MAP3K7CL: variants seen among roughly 807,000 people sequenced by gnomAD.
MAP3K7CL encodes the protein MAP3K7 C-terminal-like protein.
A neutral mutation model predicts 18.6 loss-of-function variants in MAP3K7CL; 16 were observed. The observed-to-expected ratio is 0.86, with a 90% CI of 0.58 to 1.31. The LOEUF (loss-of-function observed/expected upper bound fraction) is 1.31, where lower values mean the gene tolerates loss of function less well. Ranked by LOEUF, MAP3K7CL falls within the 50% of genes most tolerant of loss-of-function variation. The pLI is 0.00. For synonymous variants in MAP3K7CL, 65 were observed against 66.8 expected (o/e 0.97, Z 0.13); for missense variants, 163 against 174.4 (o/e 0.93, Z 0.37).
chr21:29,147,551 G>A (rs1451940717), intron 2 of MAP3K7CL, among the ~76,000 whole-genome samples: 2 of 151,610 alleles, frequency 1.3e-5, no homozygotes, highest in African/African-American at 2.4e-5. Context: ...TATGTGTACT[G>A]TATCTGTATT....
chr21:29,123,722 G>A (rs539520264), intron 4 of MAP3K7CL, among the ~76,000 whole-genome samples: 2 of 152,198 alleles, frequency 1.3e-5, no homozygotes, highest in Admixed American at 6.5e-5. Flanking sequence ...CTGATGATGG[G>A]TAATGTTGGG....
At chr21:29,128,523 C>T (rs141565627), upstream of MAP3K7CL, among the ~76,000 whole-genome samples, 1,049 of 151,924 alleles carry the variant, frequency 6.9e-3, 8 homozygotes, top group African/African-American at 0.024. Flanking sequence ...AGGATGGTCT[C>T]GATCTCCTGA....
At chr21:29,160,455 C>T (rs558592086) in intron 4 of MAP3K7CL, among the ~76,000 whole-genome samples, 5 of 152,234 alleles carry the variant, frequency 3.3e-5, no homozygotes, top group South Asian at 2.1e-4. Context: ...ATAATGTAAA[C>T]GTTTTAGTTG....
intron 4 of MAP3K7CL, among the ~76,000 whole-genome samples, chr21:29,103,201 C>T (rs776577266): frequency 5.5e-4 from 83 of 152,186 alleles, no homozygotes; most frequent in Non-Finnish European, 9.3e-4. Flanking sequence ...GTGTCTATGG[C>T]TACTTTCCCA....
chr21:29,149,389 C>A, intron 3 of MAP3K7CL, 139 bp downstream of exon 3: 2 of 734,732 alleles, frequency 2.7e-6, no homozygotes, highest in South Asian at 3.2e-5. Context: ...GATTACATTT[C>A]TAGAGCTCCA....
chr21:29,148,962 G>T (rs555838650), intron 2 of MAP3K7CL, among the ~76,000 whole-genome samples: 2 of 152,278 alleles, frequency 1.3e-5, no homozygotes, highest in Non-Finnish European at 2.9e-5. Context: ...CTGGACATTT[G>T]AGGATTCTGA....
chr21:29,125,497 C>G (rs2086666491), intron 4 of MAP3K7CL, among the ~76,000 whole-genome samples: 1 of 152,186 alleles, frequency 6.6e-6, no homozygotes. Flanking sequence ...TATCTTAAGC[C>G]TGAAGTGAAC....
intron 1 of MAP3K7CL, chr21:29,091,419 G>A: frequency 1.6e-6 from 1 of 609,934 alleles, no homozygotes; most frequent in Non-Finnish European, 2.9e-6. Flanking sequence ...ATGAGGTATA[G>A]CTCTTAATAA....
intron 4 of MAP3K7CL, among the ~76,000 whole-genome samples, chr21:29,170,016 C>A (rs73897285): frequency 6.6e-6 from 1 of 152,088 alleles, no homozygotes; most frequent in Non-Finnish European, 1.5e-5. Flanking sequence ...CTGAAGGAAA[C>A]GATACAAATA....
At chr21:29,096,525 A>G (rs531363701) in intron 4 of MAP3K7CL, among the ~76,000 whole-genome samples, 1 of 152,346 alleles carries the variant, frequency 6.6e-6, no homozygotes, top group East Asian at 1.9e-4. Flanking sequence ...TCTGAAGGCA[A>G]TGGCTCCAGG....
chr21:29,113,319 T>G (rs1202819079), intron 4 of MAP3K7CL, among the ~76,000 whole-genome samples: 1 of 152,238 alleles, frequency 6.6e-6, no homozygotes, highest in Non-Finnish European at 1.5e-5. Flanking sequence ...AACGTGGCCT[T>G]CCTTTCTTCC....
At chr21:29,129,774 C>T (rs1011317593), upstream of MAP3K7CL, among the ~76,000 whole-genome samples, 4 of 152,198 alleles carry the variant, frequency 2.6e-5, no homozygotes, top group Non-Finnish European at 2.9e-5. Context: ...CCCACCAGCA[C>T]GGAATGAAAG....
chr21:29,151,380 CCAGGA>C (rs1159633535), intron 3 of MAP3K7CL, among the ~76,000 whole-genome samples: 2 of 151,948 alleles, frequency 1.3e-5, no homozygotes, highest in African/African-American at 4.8e-5. Context: ...TCGCTTGAAA[CCAGGA>C]GGCGGAGGTT....
At chr21:29,132,966 G>T (rs2086807303) in intron 1 of MAP3K7CL, among the ~76,000 whole-genome samples, 1 of 152,064 alleles carries the variant, frequency 6.6e-6, no homozygotes. Context: ...ATCCTCCTCA[G>T]TTGAAAGTAA....
chr21:29,144,003 C>T (rs1371749766), intron 2 of MAP3K7CL, among the ~76,000 whole-genome samples: 1 of 152,084 alleles, frequency 6.6e-6, no homozygotes, highest in Non-Finnish European at 1.5e-5. Flanking sequence ...CTCCTTTACT[C>T]TATGATTGCC....
chr21:29,079,584 A>G (rs2085803644), intron 1 of MAP3K7CL, among the ~76,000 whole-genome samples: 1 of 152,236 alleles, frequency 6.6e-6, no homozygotes, highest in Non-Finnish European at 1.5e-5. Context: ...CTAAATTTTC[A>G]GAAAATACAA....
chr21:29,078,517 C>T (rs191808724), intron 1 of MAP3K7CL, among the ~76,000 whole-genome samples: 1 of 151,842 alleles, frequency 6.6e-6, no homozygotes, highest in Admixed American at 6.6e-5. Flanking sequence ...GCATGCTGGG[C>T]ATCATTGCTG....
chr21:29,144,176 C>T (rs1323386297), intron 2 of MAP3K7CL, among the ~76,000 whole-genome samples: 1 of 149,886 alleles, frequency 6.7e-6, no homozygotes, highest in Non-Finnish European at 1.5e-5. Flanking sequence ...GAGACGGAGT[C>T]TAGCTCTGTT....
At chr21:29,149,126 A>C in intron 2 of MAP3K7CL, 63 bp from the exon 3 acceptor site, 1 of 1,308,420 alleles carries the variant, frequency 7.6e-7, no homozygotes, top group East Asian at 2.3e-5. Context: ...ACTCTGGGGG[A>C]GTCCAAGGAC....
Sources: allele counts gnomAD v4.1 joint callset (sites outside exome capture counted in the v4.1 genomes callset), GRCh38; gene constraint gnomAD v4.1.1; transcripts MANE v1.5; gene names NCBI Gene and HGNC (gene_info 2026-07-23, HGNC 2026-07-21).